DTD1: variants seen among roughly 807,000 people sequenced by gnomAD.
DTD1 encodes the protein D-tyrosyl-tRNA deacylase 1 homolog.
Under a neutral mutation model 25.6 loss-of-function variants are expected in DTD1, and 13 were observed. The observed-to-expected ratio is 0.51, with a 90% CI of 0.33 to 0.81. DTD1 has a LOEUF of 0.81. Ranked by LOEUF, DTD1 falls within the 30% of genes least tolerant of loss-of-function variation. The pLI is 0.02. For missense variants in DTD1, 193 were observed against 266.4 expected (o/e 0.72, Z 1.92); for synonymous variants, 110 against 103.6 (o/e 1.06, Z -0.37).
chr20:18,729,031 T>G (rs1196854126), intron 4 of DTD1, among the ~76,000 whole-genome samples: 1 of 152,182 alleles, frequency 6.6e-6, no homozygotes, highest in Non-Finnish European at 1.5e-5. Flanking sequence ...TAAGATAGGG[T>G]CTCACTCTGT....
chr20:18,596,805 A>G (rs1229195498), intron 3 of DTD1, among the ~76,000 whole-genome samples: 1 of 151,822 alleles, frequency 6.6e-6, no homozygotes. Flanking sequence ...AGAGGATGGT[A>G]CAGAGATATT....
At chr20:18,606,088 A>C (rs2060655959) in intron 3 of DTD1, among the ~76,000 whole-genome samples, 1 of 100,858 alleles carries the variant, frequency 9.9e-6, no homozygotes, top group African/African-American at 3.5e-5. Context: ...CAAGAAAAAA[A>C]CAAACAACCC....
At chr20:18,612,236 G>T (rs973123145) in intron 3 of DTD1, among the ~76,000 whole-genome samples, 8 of 151,412 alleles carry the variant, frequency 5.3e-5, no homozygotes, top group African/African-American at 1.7e-4. Context: ...GGGTTTCACC[G>T]TTTTAGCCGG....
At chr20:18,661,362 T>A (rs1426410519) in intron 4 of DTD1, among the ~76,000 whole-genome samples, 1 of 142,486 alleles carries the variant, frequency 7.0e-6, no homozygotes, top group Non-Finnish European at 1.5e-5. Flanking sequence ...CTGTGTTGAG[T>A]CTTCTAGTCT....
chr20:18,752,994 C>G (rs1357273225), intron 5 of DTD1, among the ~76,000 whole-genome samples: 1 of 152,130 alleles, frequency 6.6e-6, no homozygotes, highest in Admixed American at 6.5e-5. Flanking sequence ...TGGCCATTAC[C>G]TTATTGATTA....
chr20:18,640,587 C>T (rs2060824509), intron 4 of DTD1, among the ~76,000 whole-genome samples: 2 of 150,798 alleles, frequency 1.3e-5, no homozygotes, highest in African/African-American at 2.4e-5. Context: ...TTAGTATATT[C>T]ACATTGTTAT....
intron 3 of DTD1, among the ~76,000 whole-genome samples, chr20:18,626,550 C>T (rs755046956): frequency 3.3e-5 from 5 of 152,008 alleles, no homozygotes; most frequent in Non-Finnish European, 7.4e-5. Context: ...CCATAGGAGC[C>T]CAGATGTCAT....
At chr20:18,737,233 A>G (rs2061259251) in intron 4 of DTD1, among the ~76,000 whole-genome samples, 1 of 151,982 alleles carries the variant, frequency 6.6e-6, no homozygotes, top group South Asian at 2.1e-4. Context: ...GCTCAGACAC[A>G]CTGCCCTGCC....
intron 3 of DTD1, among the ~76,000 whole-genome samples, chr20:18,621,153 A>G (rs1249645697): frequency 3.9e-5 from 6 of 152,138 alleles, no homozygotes; most frequent in Non-Finnish European, 7.4e-5. Flanking sequence ...AGTCTCTCCC[A>G]GTATGTGGTG....
chr20:18,732,360 A>C (rs6035111), intron 4 of DTD1, among the ~76,000 whole-genome samples: 21,833 of 152,186 alleles, frequency 0.14, 1,647 homozygotes, highest in Admixed American at 0.2. Flanking sequence ...ATTATTAACC[A>C]GACATGTGCC....
At chr20:18,724,509 T>G (rs1269554093) in intron 4 of DTD1, among the ~76,000 whole-genome samples, 1 of 152,210 alleles carries the variant, frequency 6.6e-6, no homozygotes, top group Non-Finnish European at 1.5e-5. Flanking sequence ...TGGCTCATAC[T>G]AAGTGATTAG....
rs1401922398 is a variant in DTD1 at position 18,708,283 on chromosome 20, TA to T, written c.478-35816del. Among the ~76,000 whole-genome samples, 5 of 39,738 alleles carry T rather than the reference TA, an allele frequency of 1.3e-4. 1 individual carries two copies. Among genetic ancestry groups the T allele is most frequent in the African/African-American group, 4.2e-4 (5 of 11,912 alleles). 26.1% of individuals were successfully genotyped at this position (39,738 alleles called of 152,430 possible). A position where few individuals can be genotyped will look rare whatever the true frequency, so the allele number is the denominator to read the frequency against. ...ATATATTTTATATATATATAATATATATTATATATATATAATATATATATTT... is the reference window on the plus strand; with the variant it reads ...ATATATTTTATATATATATAATATATTTATATATATATAATATATATATTT... On this transcript the variant is annotated intron_variant, in intron 4 of 5. Coordinates refer to ENST00000377452, the MANE Select transcript of DTD1 (RefSeq NM_080820.6).
chr20:18,596,344 GT>G, intron 3 of DTD1, 103 bp downstream of exon 3: 2 of 927,614 alleles, frequency 2.2e-6, no homozygotes, highest in Non-Finnish European at 3.2e-6. Flanking sequence ...GAAAGTCATT[GT>G]TTATGCTTGT....
chr20:18,692,977 ACCT>A (rs995759212), intron 4 of DTD1, among the ~76,000 whole-genome samples: 7 of 127,858 alleles, frequency 5.5e-5, no homozygotes, highest in African/African-American at 1.8e-4. Context: ...CACTCACTCC[ACCT>A]CCTGGGTTCA....
rs186341905 is a variant in DTD1, at chr20:18,610,567, A to G, written c.370+14326A>G. 6.2e-4 allele frequency among the ~76,000 whole-genome samples: 95 copies of G among 152,342 alleles called. 1 individual carries two copies. The highest frequency in any genetic ancestry group is 3.4e-3 in the Middle Eastern group (1 of 294). On this transcript the variant is annotated intron_variant, in intron 3 of 5. Coordinates refer to ENST00000377452, the MANE Select transcript of DTD1 (RefSeq NM_080820.6). ...TTTTTAAAAGGATTTTAATATTACA[A>G]TTTAATGCATTTTGGAAAAGCAAAT...
chr20:18,607,474 T>C (rs2060665033), intron 3 of DTD1, among the ~76,000 whole-genome samples: 1 of 152,026 alleles, frequency 6.6e-6, no homozygotes, highest in Non-Finnish European at 1.5e-5. Flanking sequence ...AATTTCTTTA[T>C]CTGGTTTCGG....
intron 1 of DTD1, chr20:18,588,747 C>A (rs1368013415): frequency 1.0e-6 from 1 of 985,168 alleles, no homozygotes; most frequent in Admixed American, 6.2e-5. Flanking sequence ...CTAAAGAATT[C>A]AAGATGAAAA....
At chr20:18,660,667 A>G (rs2060906513) in intron 4 of DTD1, among the ~76,000 whole-genome samples, 1 of 152,230 alleles carries the variant, frequency 6.6e-6, no homozygotes, top group Non-Finnish European at 1.5e-5. Context: ...CAACTTTGAG[A>G]AAATTGTGAA....
chr20:18,712,447 C>A (rs1051562822), intron 4 of DTD1, among the ~76,000 whole-genome samples: 1 of 152,046 alleles, frequency 6.6e-6, no homozygotes, highest in African/African-American at 2.4e-5. Context: ...ATCCCATGAT[C>A]AGATGTCAGC....
Sources: gnomAD v4.1 joint callset for allele counts (sites outside exome capture counted in the v4.1 genomes callset) on GRCh38, gnomAD v4.1.1 for gene constraint, MANE v1.5 for transcripts, NCBI Gene and HGNC (gene_info 2026-07-23, HGNC 2026-07-21) for gene names.